GRAMD1A: variants seen among roughly 807,000 people sequenced by gnomAD.
GRAMD1A encodes the protein GRAM domain containing 1A, also known as protein Aster-A.
Under a neutral mutation model 92.0 loss-of-function variants are expected in GRAMD1A, and 50 were observed. That is an observed-to-expected ratio of 0.54 (90% confidence interval 0.43 to 0.69). The LOEUF (loss-of-function observed/expected upper bound fraction) is 0.69, where lower values mean the gene tolerates loss of function less well. GRAMD1A is among the 30% of genes least tolerant of loss of function. The pLI is 0.00. For synonymous variants in GRAMD1A, 405 were observed against 403.6 expected (o/e 1.00, Z -0.04); for missense variants, 819 against 978.9 (o/e 0.84, Z 2.18).
rs1600352325 is a variant in GRAMD1A at position 35,025,899 on chromosome 19, A to G, written c.2083-150A>G. The stretch of plus-strand genomic sequence containing the variant: ...TCTGAGAAGTTAAACTGGGTGCAGC[A>G]TGGCTGTGCTCTTTTCACCAAGGGA... On this transcript the variant is annotated intron_variant, in intron 19 of 19. Transcript: ENST00000317991. 4.7e-6 allele frequency: 3 copies of G among 635,504 alleles called. No homozygotes were observed. In the East Asian group the frequency reaches 8.2e-5, roughly 17 times the overall value. 39.4% of individuals were successfully genotyped at this position (635,504 alleles called of 1,614,324 possible).
chr19:35,025,741 A>C (rs555135296), intron 19 of GRAMD1A, among the ~76,000 whole-genome samples: 1 of 152,150 alleles, frequency 6.6e-6, no homozygotes, highest in Non-Finnish European at 1.5e-5. Flanking sequence ...CCCGTATTTC[A>C]AATGAGGGGA....
chr19:35,000,329 TGCGG>T lies in GRAMD1A; in HGVS notation c.-145_-142del. 9.4e-7 allele frequency: 1 copy of T among 1,062,408 alleles called. No homozygotes were observed. Among genetic ancestry groups the T allele is most frequent in the Admixed American group, 5.3e-5 (1 of 18,720 alleles). 65.8% of individuals were successfully genotyped at this position (1,062,408 alleles called of 1,614,324 possible). A position where few individuals can be genotyped will look rare whatever the true frequency, so the allele number is the denominator to read the frequency against. On this transcript the variant is annotated 5_prime_UTR_variant, in exon 1 of 20. Transcript: ENST00000317991. This position sits in a 1 kb window ranked among gnomAD's most constrained non-coding sequence, Gnocchi z 4.9. ...GGCCTCCGGCGGCTCCGGCCTTTTGTGCGGGCGGTTGGGTCGGGTGGGGGCGGCG... is the reference window on the plus strand; with the variant it reads ...GGCCTCCGGCGGCTCCGGCCTTTTGTGCGGTTGGGTCGGGTGGGGGCGGCG...
upstream of GRAMD1A, chr19:34,995,991 C>T (rs1293301116): frequency 1.3e-6 from 2 of 1,498,374 alleles, no homozygotes; most frequent in South Asian, 1.2e-5. Flanking sequence ...TTCTCTTTCC[C>T]AGAGACCACA....
At chr19:35,008,815 C>CA (rs2015008293) in intron 1 of GRAMD1A, among the ~76,000 whole-genome samples, 1 of 151,996 alleles carries the variant, frequency 6.6e-6, no homozygotes, top group Non-Finnish European at 1.5e-5. Flanking sequence ...GACTCTGTCA[C>CA]AAAAAATAAA....
chr19:35,010,430 G>T, intron 6 of GRAMD1A, 51 bp downstream of exon 6: 1 of 1,208,630 alleles, frequency 8.3e-7, no homozygotes. Context: ...TCAGCAGGCC[G>T]CCTCCCCCAA....
chr19:35,011,442 C>A, intron 6 of GRAMD1A, 32 bp from the exon 7 acceptor site: 1 of 1,547,478 alleles, frequency 6.5e-7, no homozygotes, highest in African/African-American at 1.4e-5. Context: ...CCCCAACCTG[C>A]TCACACCTCT....
At position 35,010,267 on chromosome 19, in the gene GRAMD1A, C is replaced by T; in HGVS notation, c.430-17C>T. The T allele has an allele frequency of 6.2e-7, 1 of 1,604,994 alleles. No homozygotes were observed. Among genetic ancestry groups the T allele is most frequent in the Non-Finnish European group, 8.5e-7 (1 of 1,171,670 alleles). On this transcript the variant is annotated splice_polypyrimidine_tract_variant and intron_variant, in intron 5 of 19. Coordinates refer to ENST00000317991, the MANE Select transcript of GRAMD1A (RefSeq NM_020895.5). ...CAGGCCCCACCCCGCTCCTATTGAC[C>T]CTCCTGCTGTCCTCAGATCTCCATC...
rs1037298619 is a variant in GRAMD1A at position 35,000,711 on chromosome 19, C to G, written c.8+225C>G. Among the ~76,000 whole-genome samples, 1 of 151,872 alleles carries G rather than the reference C, an allele frequency of 6.6e-6. No individual in the cohort carries two copies. Among genetic ancestry groups the G allele is most frequent in the African/African-American group, 2.4e-5 (1 of 41,340 alleles). Reference sequence around the variant, plus strand: ...GCGGACGCAGGGCAGGGCCCGGGGTCTGGGTCGCCACTGCCGGCCCGCGAC... The same window carrying G: ...GCGGACGCAGGGCAGGGCCCGGGGTGTGGGTCGCCACTGCCGGCCCGCGAC... On this transcript the variant is annotated intron_variant, in intron 1 of 19. Coordinates refer to ENST00000317991, the MANE Select transcript of GRAMD1A (RefSeq NM_020895.5). This position sits in a 1 kb window ranked among gnomAD's most constrained non-coding sequence, Gnocchi z 4.9.
chr19:35,016,904 C>CA (rs553636601), intron 11 of GRAMD1A, among the ~76,000 whole-genome samples: 24,489 of 68,122 alleles, frequency 0.36, 3,829 homozygotes, highest in Middle Eastern at 0.48. Flanking sequence ...GACTCTGTCT[C>CA]AAAAAAAAAA....
At chr19:35,002,969 C>T (rs1255598310) in intron 1 of GRAMD1A, 2 of 152,282 alleles carry the variant, frequency 1.3e-5, no homozygotes, top group Non-Finnish European at 2.9e-5. Context: ...CTGTGACCCT[C>T]TGCAGCTCTG....
At chr19:35,024,459 G>T (rs2016298045) in intron 19 of GRAMD1A, among the ~76,000 whole-genome samples, 1 of 152,094 alleles carries the variant, frequency 6.6e-6, no homozygotes, top group African/African-American at 2.4e-5. Flanking sequence ...GTGGGTCAGA[G>T]CAAGTGTCAG....
rs1203339216 is a variant in GRAMD1A at position 35,013,437 on chromosome 19, G to C, written c.719+69G>C. 4 of 1,516,452 alleles carry C rather than the reference G, an allele frequency of 2.6e-6. No homozygotes were observed. In the East Asian group the frequency reaches 9.1e-5, roughly 35 times the overall value. The allele number at this position is 1,516,452 out of a possible 1,614,324, so 93.9% of individuals were successfully genotyped here. A position where few individuals can be genotyped will look rare whatever the true frequency, so the allele number is the denominator to read the frequency against. Reference sequence around the variant, plus strand: ...AGGACGGTCGGCGTGCAGAGTTCCTGGAGTGCTGGGGGGCCTGAGATGGTT... The same window carrying C: ...AGGACGGTCGGCGTGCAGAGTTCCTCGAGTGCTGGGGGGCCTGAGATGGTT... On this transcript the variant is annotated intron_variant, in intron 8 of 19. Transcript: ENST00000317991. This position sits in a 1 kb window ranked among gnomAD's most constrained non-coding sequence, Gnocchi z 4.9.
intron 7 of GRAMD1A, 71 bp downstream of exon 7, chr19:35,011,625 C>T (rs2015251410): frequency 8.9e-7 from 1 of 1,119,894 alleles, no homozygotes; most frequent in Non-Finnish European, 1.3e-6. Flanking sequence ...GACCCCAGAA[C>T]TTGCGGAGCT....
intron 11 of GRAMD1A, among the ~76,000 whole-genome samples, chr19:35,016,830 G>A (rs79239326): frequency 0.29 from 43,807 of 148,742 alleles, 6,677 homozygotes; most frequent in Middle Eastern, 0.44. Context: ...ACTTGAACTC[G>A]GGAAGCAGAG....
rs749289568 is a variant in GRAMD1A at position 35,021,673 on chromosome 19, C to G, written c.1580-18C>G. ...CTGGCCAGGTATGGACATCCAGAGCCCCCTCTCTTTTACGCAGAGCGAGAG... is the reference window on the plus strand; with the variant it reads ...CTGGCCAGGTATGGACATCCAGAGCGCCCTCTCTTTTACGCAGAGCGAGAG... On this transcript the variant is annotated intron_variant, in intron 14 of 19. Coordinates refer to ENST00000317991, the MANE Select transcript of GRAMD1A (RefSeq NM_020895.5). This position sits in a 1 kb window ranked among gnomAD's most constrained non-coding sequence, Gnocchi z 5.3. 1.2e-6 allele frequency: 2 copies of G among 1,614,044 alleles called. No homozygotes were observed. Among genetic ancestry groups the G allele is most frequent in the Non-Finnish European group, 1.7e-6 (2 of 1,179,938 alleles).
At chr19:34,996,350 T>C (rs1404927037), upstream of GRAMD1A, 1 of 1,352,652 alleles carries the variant, frequency 7.4e-7, no homozygotes, top group African/African-American at 1.5e-5. Context: ...GGGTTCTCTC[T>C]GTCAAGGGTG....
intron 1 of GRAMD1A, among the ~76,000 whole-genome samples, chr19:35,001,834 C>T (rs2014396651): frequency 6.6e-6 from 1 of 152,148 alleles, no homozygotes. Flanking sequence ...TCTCGAACTC[C>T]TGACCTCAGG....
chr19:35,013,104 C>T lies in GRAMD1A; in HGVS notation c.607-152C>T, dbSNP rs1170826769. On this transcript the variant is annotated intron_variant, in intron 7 of 19. Coordinates refer to ENST00000317991, the MANE Select transcript of GRAMD1A (RefSeq NM_020895.5). This position sits in a 1 kb window ranked among gnomAD's most constrained non-coding sequence, Gnocchi z 4.9. ...GGAGGGGCTGTAGCAGGGGATTCCCCGCTTGCTGAGGCCAGGTCTGGTGCG... is the reference window on the plus strand; with the variant it reads ...GGAGGGGCTGTAGCAGGGGATTCCCTGCTTGCTGAGGCCAGGTCTGGTGCG... 3.9e-5 allele frequency: 23 copies of T among 584,040 alleles called. No homozygotes were observed. The highest frequency in any genetic ancestry group is 4.6e-4 in the Middle Eastern group (1 of 2,194). 36.2% of individuals were successfully genotyped at this position (584,040 alleles called of 1,614,324 possible). A position where few individuals can be genotyped will look rare whatever the true frequency, so the allele number is the denominator to read the frequency against.
At chr19:35,003,342 T>C (rs2014552962) in intron 1 of GRAMD1A, among the ~76,000 whole-genome samples, 1 of 152,140 alleles carries the variant, frequency 6.6e-6, no homozygotes, top group African/African-American at 2.4e-5. Flanking sequence ...CACTGGGGCC[T>C]AGGAAGTTGG....
Sources: allele counts gnomAD v4.1 joint callset (sites outside exome capture counted in the v4.1 genomes callset), GRCh38; gene constraint gnomAD v4.1.1; non-coding constraint Gnocchi (gnomAD v3.1); transcripts MANE v1.5; gene names NCBI Gene and HGNC (gene_info 2026-07-23, HGNC 2026-07-21).